The following SLC36A4 variants were observed in gnomAD, a reference collection of about 807,000 sequenced individuals.
SLC36A4 encodes the protein neutral amino acid uniporter 4.
SLC36A4 carries 49 observed loss-of-function variants against 50.5 expected under a neutral mutation model. That is an observed-to-expected ratio of 0.97 (90% CI 0.77 to 1.23). The LOEUF (loss-of-function observed/expected upper bound fraction) is 1.23, where lower values mean the gene tolerates loss of function less well. SLC36A4 is among the 50% of genes most tolerant of loss of function. The pLI, the probability that SLC36A4 is intolerant of heterozygous loss-of-function variation, is 0.00. For missense variants in SLC36A4, 611 were observed against 608.4 expected (o/e 1.00, Z -0.05); for synonymous variants, 207 against 206.5 (o/e 1.00, Z -0.02).
chr11:93,151,303 C>G (rs1033765850), intron 10 of SLC36A4, among the ~76,000 whole-genome samples: 1 of 151,904 alleles, frequency 6.6e-6, no homozygotes, highest in Non-Finnish European at 1.5e-5. Context: ...AAGTACTAAT[C>G]ACACTTATTC....
In SLC36A4 at chr11:93,197,865, G is replaced by A. The variant is rs1003260916; in HGVS notation, c.-33C>T. On this transcript the variant is annotated 5_prime_UTR_variant, in exon 1 of 11. Transcript: ENST00000326402. ...GGGTCTCCAGGACGCCGCCGCCCGA[G>A]TGCTCACTCTCCCGCCGCTGCGTGG... The A allele has an allele frequency of 3.3e-6, 5 of 1,527,702 alleles. No individual in the cohort carries two copies. Among genetic ancestry groups the A allele is most frequent in the African/African-American group, 2.9e-5 (2 of 70,110 alleles). The allele number at this position is 1,527,702 out of a possible 1,614,324, so 94.6% of individuals were successfully genotyped here. A position where few individuals can be genotyped will look rare whatever the true frequency, so the allele number is the denominator to read the frequency against.
At chr11:93,195,764 G>C (rs1175295065) in intron 1 of SLC36A4, among the ~76,000 whole-genome samples, 1 of 152,232 alleles carries the variant, frequency 6.6e-6, no homozygotes, top group Non-Finnish European at 1.5e-5. Flanking sequence ...TTTCTGCCTG[G>C]AGTAGTCGTT....
chr11:93,170,796 C>G (rs1404944358), intron 6 of SLC36A4, among the ~76,000 whole-genome samples: 3 of 152,014 alleles, frequency 2.0e-5, no homozygotes, highest in Admixed American at 6.6e-5. Context: ...GATTCTTTAT[C>G]CCCTACTGAT....
At chr11:93,176,965 G>T (rs184703837) in intron 6 of SLC36A4, among the ~76,000 whole-genome samples, 1 of 152,042 alleles carries the variant, frequency 6.6e-6, no homozygotes, top group Non-Finnish European at 1.5e-5. Flanking sequence ...CCTTTGTGGC[G>T]TTCTCTGTAT....
intron 9 of SLC36A4, chr11:93,154,912 A>T (rs1860281023): frequency 1.3e-5 from 2 of 152,124 alleles, no homozygotes; most frequent in South Asian, 4.1e-4. Flanking sequence ...TATCTCTTTG[A>T]TATACAGTGC....
At chr11:93,151,708 A>T (rs1860094200) in intron 10 of SLC36A4, among the ~76,000 whole-genome samples, 2 of 152,114 alleles carry the variant, frequency 1.3e-5, no homozygotes, top group South Asian at 4.1e-4. Context: ...TAGATTATAA[A>T]AACAAGGACT....
At chr11:93,176,801 T>C (rs1460835423) in intron 6 of SLC36A4, among the ~76,000 whole-genome samples, 1 of 152,206 alleles carries the variant, frequency 6.6e-6, no homozygotes. Context: ...GCTTGTGGAG[T>C]TTCTGCCGAG....
At chr11:93,154,011 T>C (rs541371387) in intron 10 of SLC36A4, 97 bp downstream of exon 10, 1 of 580,940 alleles carries the variant, frequency 1.7e-6, no homozygotes, top group South Asian at 5.5e-5. Flanking sequence ...AAAATACATC[T>C]TATGTAGCTT....
At chr11:93,166,754 G>A (rs1362118719) in intron 7 of SLC36A4, 1 of 152,094 alleles carries the variant, frequency 6.6e-6, no homozygotes, top group Non-Finnish European at 1.5e-5. Context: ...CAGAATTCAA[G>A]GCCAAGTAAA....
intron 10 of SLC36A4, 112 bp from the exon 11 acceptor site, chr11:93,148,956 A>T: frequency 9.1e-7 from 1 of 1,102,324 alleles, no homozygotes; most frequent in Non-Finnish European, 1.3e-6. Flanking sequence ...AATTAATGAA[A>T]GTTGAACTAC....
At chr11:93,197,379 C>A (rs1265432919) in intron 1 of SLC36A4, 7 of 236,348 alleles carry the variant, frequency 3.0e-5, no homozygotes, top group Admixed American at 2.3e-4. Flanking sequence ...GAGGATTCAT[C>A]TGGAGATTCC....
chr11:93,187,431 T>G (rs568117497), intron 1 of SLC36A4, among the ~76,000 whole-genome samples: 2 of 152,306 alleles, frequency 1.3e-5, no homozygotes, highest in East Asian at 3.9e-4. Flanking sequence ...GTTCAAATAC[T>G]TCTTCTTTAG....
At chr11:93,161,748 C>T (rs1193410359) in intron 9 of SLC36A4, among the ~76,000 whole-genome samples, 1 of 152,106 alleles carries the variant, frequency 6.6e-6, no homozygotes, top group Admixed American at 6.6e-5. Flanking sequence ...ATTCAATCAG[C>T]GATTCCAAAT....
chr11:93,156,388 G>C (rs1212642992), intron 9 of SLC36A4, among the ~76,000 whole-genome samples: 3 of 151,524 alleles, frequency 2.0e-5, no homozygotes, highest in Admixed American at 1.3e-4. Flanking sequence ...GTCTTCTTTT[G>C]AGAAGTGTCT....
chr11:93,148,462 G>A lies in SLC36A4; in HGVS notation c.*75C>T, dbSNP rs1590923502. On this transcript the variant is annotated 3_prime_UTR_variant, in exon 11 of 11. Coordinates refer to ENST00000326402, the MANE Select transcript of SLC36A4 (RefSeq NM_152313.4). ...GTTTGTTACCATTTTTATGTATATAGCAATGTATTTTACTAGTTATCTTGA... is the reference window on the plus strand; with the variant it reads ...GTTTGTTACCATTTTTATGTATATAACAATGTATTTTACTAGTTATCTTGA... 2 of 1,229,520 alleles carry A rather than the reference G, an allele frequency of 1.6e-6. No homozygotes were observed. Among genetic ancestry groups the A allele is most frequent in the Non-Finnish European group, 1.2e-6 (1 of 856,856 alleles). 76.2% of individuals were successfully genotyped at this position (1,229,520 alleles called of 1,614,324 possible). A position where few individuals can be genotyped will look rare whatever the true frequency, so the allele number is the denominator to read the frequency against.
intron 6 of SLC36A4, among the ~76,000 whole-genome samples, chr11:93,176,063 T>A (rs1168892317): frequency 7.5e-6 from 1 of 132,454 alleles, no homozygotes; most frequent in African/African-American, 2.9e-5. Flanking sequence ...AAGTCTCCCA[T>A]TATTAATGTG....
intron 1 of SLC36A4, among the ~76,000 whole-genome samples, chr11:93,191,235 A>G (rs1862204172): frequency 6.6e-6 from 1 of 152,214 alleles, no homozygotes; most frequent in Non-Finnish European, 1.5e-5. Flanking sequence ...GGTATACACT[A>G]TAGAAAAATG....
At chr11:93,154,304 G>A in intron 9 of SLC36A4, 27 bp from the exon 10 acceptor site, 5 of 1,215,124 alleles carry the variant, frequency 4.1e-6, no homozygotes, top group Non-Finnish European at 5.4e-6. Context: ...TCAAAATTTA[G>A]TCATTTTTAA....
Position 93,197,837 on chromosome 11 carries a change from C to T in SLC36A4, c.-5G>A. Reference sequence around the variant, plus strand: ...CGGCGTCGCCGCCGCTTCCATCTCTCGCGGGTCTCCAGGACGCCGCCGCCC... The same window carrying T: ...CGGCGTCGCCGCCGCTTCCATCTCTTGCGGGTCTCCAGGACGCCGCCGCCC... On this transcript the variant is annotated 5_prime_UTR_variant, in exon 1 of 11. Coordinates refer to ENST00000326402, the MANE Select transcript of SLC36A4 (RefSeq NM_152313.4). 2.6e-6 allele frequency: 4 copies of T among 1,567,100 alleles called. No homozygotes were observed. Among genetic ancestry groups the T allele is most frequent in the Non-Finnish European group, 3.4e-6 (4 of 1,164,700 alleles).
Sources: allele counts gnomAD v4.1 joint callset (sites outside exome capture counted in the v4.1 genomes callset), GRCh38; gene constraint gnomAD v4.1.1; transcripts MANE v1.5; gene names NCBI Gene and HGNC (gene_info 2026-07-23, HGNC 2026-07-21).